The following EYA2 variants were observed in gnomAD, a reference collection of about 807,000 sequenced individuals.
The protein encoded by EYA2 is protein phosphatase EYA2.
In EYA2, 31 loss-of-function variants were observed where a neutral mutation model predicts 69.2. That is an observed-to-expected ratio of 0.45 (90% CI 0.34 to 0.60). The LOEUF (loss-of-function observed/expected upper bound fraction) is 0.60, where lower values mean the gene tolerates loss of function less well. Ranked by LOEUF, EYA2 falls within the 20% of genes least tolerant of loss-of-function variation. EYA2 has a pLI of 0.02. For synonymous variants in EYA2, 257 were observed against 279.4 expected (o/e 0.92, Z 0.80); for missense variants, 622 against 701.2 (o/e 0.89, Z 1.28).
At chr20:47,113,768 C>A (rs1017166656) in intron 9 of EYA2, among the ~76,000 whole-genome samples, 1 of 152,206 alleles carries the variant, frequency 6.6e-6, no homozygotes, top group Non-Finnish European at 1.5e-5. Context: ...AACCCACTCT[C>A]CTGAGACACA....
chr20:47,034,654 G>A (rs554441621), intron 5 of EYA2, among the ~76,000 whole-genome samples: 17 of 152,338 alleles, frequency 1.1e-4, no homozygotes, highest in African/African-American at 3.6e-4. Context: ...AGGAATGCCA[G>A]TAAGTCAACA....
At chr20:47,007,011 G>A (rs1466154287) in intron 4 of EYA2, among the ~76,000 whole-genome samples, 1 of 152,162 alleles carries the variant, frequency 6.6e-6, no homozygotes, top group African/African-American at 2.4e-5. Context: ...CTCACCGCAA[G>A]CTCAACATCA....
chr20:46,939,158 G>C (rs1986046298), intron 1 of EYA2, among the ~76,000 whole-genome samples: 1 of 152,198 alleles, frequency 6.6e-6, no homozygotes, highest in Non-Finnish European at 1.5e-5. Context: ...TGAACACTCA[G>C]CATTGCCCTG....
chr20:46,975,929 G>A (rs1352399115), intron 1 of EYA2, among the ~76,000 whole-genome samples: 1 of 152,224 alleles, frequency 6.6e-6, no homozygotes, highest in Admixed American at 6.5e-5. Context: ...ATCAAGCATA[G>A]TTGAGAGAAT....
intron 10 of EYA2, among the ~76,000 whole-genome samples, chr20:47,168,595 C>T: frequency 6.6e-6 from 1 of 151,894 alleles, no homozygotes; most frequent in Admixed American, 6.5e-5. Flanking sequence ...GGGGATAGTG[C>T]CTGGCACATA....
intron 9 of EYA2, among the ~76,000 whole-genome samples, chr20:47,137,871 C>T (rs1014457544): frequency 2.0e-5 from 3 of 151,862 alleles, no homozygotes; most frequent in African/African-American, 7.3e-5. Flanking sequence ...TCATCATTCT[C>T]AGTAAACTAT....
rs968039578 is a variant in EYA2 at position 47,044,632 on chromosome 20, G to A, written c.416-27553G>A. ...TTCAGCGATCACATTTTTGTAGAAC[G>A]CTGTTCATTTTTTAATTCCTTCACT... On this transcript the variant is annotated intron_variant, in intron 5 of 15. Coordinates refer to ENST00000327619, the MANE Select transcript of EYA2 (RefSeq NM_005244.5). 2.6e-5 allele frequency among the ~76,000 whole-genome samples: 4 copies of A among 152,134 alleles called. No individual in the cohort carries two copies. The South Asian group carries it at 6.2e-4, about 24-fold the overall frequency.
intron 11 of EYA2, among the ~76,000 whole-genome samples, chr20:47,171,863 G>A (rs1295785923): frequency 1.3e-5 from 2 of 151,676 alleles, no homozygotes; most frequent in Non-Finnish European, 2.9e-5. Flanking sequence ...AGCCCAAGGC[G>A]GGTGGATCAC....
intron 7 of EYA2, among the ~76,000 whole-genome samples, chr20:47,077,964 C>T (rs2031575349): frequency 6.6e-6 from 1 of 152,106 alleles, no homozygotes; most frequent in Non-Finnish European, 1.5e-5. Context: ...AGGAAACCAT[C>T]GAGTAGATGC....
chr20:47,106,899 C>T (rs1355015557), intron 9 of EYA2, among the ~76,000 whole-genome samples: 1 of 152,032 alleles, frequency 6.6e-6, no homozygotes, highest in Admixed American at 6.6e-5. Flanking sequence ...TCACATCTCG[C>T]CCATGTTCTT....
chr20:46,963,700 T>A (rs1253937245), intron 1 of EYA2, among the ~76,000 whole-genome samples: 1 of 152,242 alleles, frequency 6.6e-6, no homozygotes, highest in African/African-American at 2.4e-5. Context: ...CCAAGGTGGT[T>A]CTGATGTGCA....
At chr20:46,989,335 G>A (rs532691718) in intron 1 of EYA2, among the ~76,000 whole-genome samples, 4 of 151,980 alleles carry the variant, frequency 2.6e-5, no homozygotes, top group Non-Finnish European at 4.4e-5. Context: ...GCGCAGTCTC[G>A]ACTCACTGCA....
chr20:47,149,688 CA>C (rs59780173), intron 10 of EYA2, among the ~76,000 whole-genome samples: 2,938 of 102,628 alleles, frequency 0.029, 54 homozygotes, highest in African/African-American at 0.074. Context: ...ACTAAAAATA[CA>C]AAAAAAAAAA....
intron 5 of EYA2, among the ~76,000 whole-genome samples, chr20:47,030,002 C>T (rs1436627438): frequency 6.6e-6 from 1 of 152,144 alleles, no homozygotes; most frequent in Admixed American, 6.5e-5. Flanking sequence ...GTCCCAATTA[C>T]TCGTAACTCT....
At chr20:47,090,982 G>A (rs1160462207) in intron 8 of EYA2, among the ~76,000 whole-genome samples, 1 of 152,152 alleles carries the variant, frequency 6.6e-6, no homozygotes, top group East Asian at 1.9e-4. Context: ...TGGCCTGAGT[G>A]TGCTAGGTGT....
chr20:47,043,344 A>G (rs1356299401), intron 5 of EYA2, among the ~76,000 whole-genome samples: 1 of 152,150 alleles, frequency 6.6e-6, no homozygotes, highest in African/African-American at 2.4e-5. Context: ...TTTAAAAGGG[A>G]GAGGCCAACA....
intron 1 of EYA2, among the ~76,000 whole-genome samples, chr20:46,944,444 T>G (rs114686094): frequency 0.013 from 1,996 of 152,156 alleles, 32 homozygotes; most frequent in African/African-American, 0.044. Flanking sequence ...GGATGAGCAG[T>G]CAGTGAGGAG....
chr20:47,073,700 A>G (rs2031401536), intron 6 of EYA2, among the ~76,000 whole-genome samples: 1 of 152,018 alleles, frequency 6.6e-6, no homozygotes, highest in Non-Finnish European at 1.5e-5. Context: ...CCTGGGCCCA[A>G]GGGGCTTTTC....
At position 47,172,948 on chromosome 20, in the gene EYA2, G is replaced by A. The variant is rs1013721565; in HGVS notation, c.1198+81G>A. ...TGTCAGTGTCCCTGCTGTGCCAGGC[G>A]CCAGGCAGAGAGGTTCACAAGTTCA... On this transcript the variant is annotated intron_variant, in intron 12 of 15. Coordinates refer to ENST00000327619, the MANE Select transcript of EYA2 (RefSeq NM_005244.5). 74 of 1,495,588 alleles carry A rather than the reference G, an allele frequency of 4.9e-5. 2 individuals carry two copies. The South Asian group carries it at 8.3e-4, about 17-fold the overall frequency. The allele number at this position is 1,495,588 out of a possible 1,614,324, so 92.6% of individuals were successfully genotyped here.
Sources: gnomAD v4.1 joint callset for allele counts (sites outside exome capture counted in the v4.1 genomes callset) on GRCh38, gnomAD v4.1.1 for gene constraint, MANE v1.5 for transcripts, NCBI Gene and HGNC (gene_info 2026-07-23, HGNC 2026-07-21) for gene names.